The following MYH13 variants were observed in gnomAD, a reference collection of about 807,000 sequenced individuals.
MYH13 encodes the protein myosin heavy chain 13.
MYH13 carries 177 observed loss-of-function variants against 232.1 expected under a neutral mutation model. The observed-to-expected ratio is 0.76, with a 90% CI of 0.67 to 0.86. The LOEUF (loss-of-function observed/expected upper bound fraction) is 0.86. Ranked by LOEUF, MYH13 falls within the 40% of genes least tolerant of loss-of-function variation. The pLI is 0.00. For missense variants in MYH13, 2,246 were observed against 2,405.9 expected, an observed-to-expected ratio of 0.93 and a Z score of 1.39; for synonymous variants, 884 against 923.5, an observed-to-expected ratio of 0.96 and a Z score of 0.78.
At chr17:10,310,178 C>T (rs895933244) in intron 33 of MYH13, among the ~76,000 whole-genome samples, 2 of 151,206 alleles carry the variant, frequency 1.3e-5, no homozygotes, top group East Asian at 3.9e-4. Flanking sequence ...GCAACCTCCA[C>T]CCCCTGGGTT....
rs150690480 is a variant in MYH13, at chr17:10,312,746, G to A, written c.4193C>T (p.Ala1398Val). ...EELEEAKKKL[A>V]QRLQEAEENT... Reference sequence around the variant, plus strand: ...CTCCTCTGCTTCCTGGAGCCTCTGGGCCAGTTTTTTCCTACGAAAACCAGA... The same window carrying A: ...CTCCTCTGCTTCCTGGAGCCTCTGGACCAGTTTTTTCCTACGAAAACCAGA... Residue 1398 changes from alanine to valine, a missense_variant, in exon 31 of 41, where the codon GCC becomes GTC. Ala to Val is a moderately conservative substitution (Grantham distance 64). Transcript: ENST00000252172. 26,240 of 1,608,220 alleles carry A rather than the reference G, an allele frequency of 0.016. 260 individuals are homozygous for A. Among genetic ancestry groups the A allele is most frequent in the Non-Finnish European group, 0.019 (22,241 of 1,178,268 alleles).
In MYH13 at chr17:10,321,545, T is replaced by A; in HGVS notation, c.3098A>T (p.Gln1033Leu). ...GLIKINAKLE[Q>L]QTDDLEGSLE... ...AAATATCCTCACATCATCTGTTTGC[T>A]GTTCAAGCTTGGCATTTATTTTGAT... is the stretch of plus-strand genomic sequence containing the variant. Residue 1033 changes from glutamine to leucine, a missense_variant, in exon 24 of 41, where the codon CAG becomes CTG. Coordinates refer to ENST00000252172, the MANE Select transcript of MYH13 (RefSeq NM_003802.3). The A allele has an allele frequency of 6.2e-7, 1 of 1,611,876 alleles. No homozygotes were observed.
At chr17:10,320,933 G>A (rs1283121819) in intron 24 of MYH13, among the ~76,000 whole-genome samples, 7 of 152,204 alleles carry the variant, frequency 4.6e-5, no homozygotes, top group Non-Finnish European at 1.0e-4. Context: ...GTATGTGTGT[G>A]CACATACACA....
At chr17:10,319,261 C>T (rs373835278) in intron 26 of MYH13, 82 bp from the exon 27 acceptor site, 17 of 1,470,444 alleles carry the variant, frequency 1.2e-5, no homozygotes, top group Admixed American at 2.4e-5. Context: ...TGAGGAATTG[C>T]GGGTAGGCAG....
At chr17:10,329,285 T>C (rs2142243633) in intron 21 of MYH13, among the ~76,000 whole-genome samples, 1 of 152,300 alleles carries the variant, frequency 6.6e-6, no homozygotes, top group East Asian at 1.9e-4. Context: ...CTCCAATCCC[T>C]GCAGGTGACT....
At chr17:10,352,762 C>T (rs951550971) in intron 11 of MYH13, among the ~76,000 whole-genome samples, 3 of 152,062 alleles carry the variant, frequency 2.0e-5, no homozygotes, top group African/African-American at 7.2e-5. Context: ...TAGCCTGGCC[C>T]TTTCTGTGCT....
intron 18 of MYH13, among the ~76,000 whole-genome samples, chr17:10,334,905 A>C (rs1007478181): frequency 2.0e-5 from 3 of 151,494 alleles, no homozygotes; most frequent in Non-Finnish European, 4.4e-5. Context: ...AAATAAATAC[A>C]ATAATTAAAA....
intron 39 of MYH13, 88 bp downstream of exon 39, chr17:10,303,108 G>A (rs1235990530): frequency 8.7e-7 from 1 of 1,148,422 alleles, no homozygotes; most frequent in African/African-American, 1.5e-5. Flanking sequence ...GAGGCTCAGG[G>A]GACTTTACCA....
chr17:10,362,342 G>A lies in MYH13; in HGVS notation c.348+18C>T. Reference sequence around the variant, plus strand: ...TCAGAGAGAGACATGAAATAAAAAGGTGTTTACAGACACTCACGTAGATCA... The same window carrying A: ...TCAGAGAGAGACATGAAATAAAAAGATGTTTACAGACACTCACGTAGATCA... On this transcript the variant is annotated intron_variant, in intron 4 of 40. Transcript: ENST00000252172. 1 of 1,614,080 alleles carries A rather than the reference G, an allele frequency of 6.2e-7. No homozygotes were observed.
chr17:10,338,505 C>T (rs1472613024), intron 18 of MYH13, among the ~76,000 whole-genome samples: 1 of 151,726 alleles, frequency 6.6e-6, no homozygotes, highest in Non-Finnish European at 1.5e-5. Context: ...TAGCATCCAA[C>T]ATTTGCTGGG....
rs139822274 is a variant in MYH13, at chr17:10,313,427, C to T, written c.3985-73G>A. On this transcript the variant is annotated intron_variant, in intron 29 of 40. Transcript: ENST00000252172. ...CAAGTTCAGGTATTTTCATTTAAATCGCTTTCCCCCAACTTGAATTATCCC... is the reference window on the plus strand; with the variant it reads ...CAAGTTCAGGTATTTTCATTTAAATTGCTTTCCCCCAACTTGAATTATCCC... 1,840 of 1,599,216 alleles carry T rather than the reference C, an allele frequency of 1.2e-3. 31 individuals carry two copies. In the East Asian group the frequency reaches 0.033, roughly 29 times the overall value.
At chr17:10,334,272 G>A (rs1907512736) in intron 18 of MYH13, among the ~76,000 whole-genome samples, 2 of 152,168 alleles carry the variant, frequency 1.3e-5, no homozygotes, top group African/African-American at 4.8e-5. Context: ...GAAGCTTCTA[G>A]AATGCCCACG....
intron 23 of MYH13, among the ~76,000 whole-genome samples, chr17:10,322,285 C>G (rs1906978993): frequency 6.6e-6 from 1 of 151,934 alleles, no homozygotes; most frequent in South Asian, 2.1e-4. Flanking sequence ...GTAGTCCCAG[C>G]TACTCAGGAG....
chr17:10,330,500 C>T lies in MYH13; in HGVS notation c.2322G>A (p.Leu774=). 1 of 1,611,106 alleles carries T rather than the reference C, an allele frequency of 6.2e-7. No individual in the cohort carries two copies. Among genetic ancestry groups the T allele is most frequent in the Non-Finnish European group, 8.5e-7 (1 of 1,179,270 alleles). Residue 774 remains leucine (L), a synonymous_variant, in exon 21 of 41, where the codon CTG becomes CTA. Transcript: ENST00000252172. The part of the protein sequence containing the change: ...NTKVFFKAGL[L]GLLEEMRDEK... ...CATCTCTCATCTCCTCCAAAAGTCC[C>T]AGGAGCCCAGCTTTGAAAAACACCT...
chr17:10,359,874 GCA>G, intron 7 of MYH13, 84 bp downstream of exon 7: 1 of 1,214,752 alleles, frequency 8.2e-7, no homozygotes, highest in Non-Finnish European at 1.2e-6. Flanking sequence ...TCTACTGAGC[GCA>G]TACCCTGCAT....
At chr17:10,346,354 G>A (rs377180195) in intron 13 of MYH13, among the ~76,000 whole-genome samples, 13 of 152,124 alleles carry the variant, frequency 8.5e-5, no homozygotes, top group South Asian at 4.1e-4. Context: ...GGGTGGCCAC[G>A]GGCAAGAGAG....
At chr17:10,353,787 C>T (rs1471553954) in intron 11 of MYH13, among the ~76,000 whole-genome samples, 6 of 152,032 alleles carry the variant, frequency 3.9e-5, no homozygotes, top group Non-Finnish European at 8.8e-5. Context: ...GCAAGAGAAT[C>T]TCTTGAACCC....
chr17:10,340,252 A>G lies in MYH13; in HGVS notation c.1969-15T>C. 2.5e-6 allele frequency: 4 copies of G among 1,613,784 alleles called. No individual in the cohort carries two copies. The highest frequency in any genetic ancestry group is 1.7e-6 in the Non-Finnish European group (2 of 1,179,662). On this transcript the variant is annotated splice_polypyrimidine_tract_variant and intron_variant, in intron 17 of 40. Coordinates refer to ENST00000252172, the MANE Select transcript of MYH13 (RefSeq NM_003802.3). ...TTTAAATTTTCCTGGGACATAAACC[A>G]AAACAAGCACATTTAGCAACTGCCA...
intron 18 of MYH13, among the ~76,000 whole-genome samples, chr17:10,334,804 A>C (rs1046411986): frequency 3.9e-5 from 6 of 152,160 alleles, no homozygotes; most frequent in Non-Finnish European, 5.9e-5. Flanking sequence ...GCTTGAACCC[A>C]GGAGGCGGAG....
Sources: allele counts gnomAD v4.1 joint callset (sites outside exome capture counted in the v4.1 genomes callset), GRCh38; gene constraint gnomAD v4.1.1; transcripts MANE v1.5; gene names NCBI Gene and HGNC (gene_info 2026-07-23, HGNC 2026-07-21).